Variants in SFI1 observed in about 807,000 individuals in gnomAD.
SFI1 encodes protein SFI1 homolog.
A neutral mutation model predicts 207.5 loss-of-function variants in SFI1; 195 were observed. The ratio of observed to expected loss-of-function variants is 0.94; its 90% CI spans 0.84 to 1.06. SFI1 has a LOEUF of 1.06. Ranked by LOEUF, SFI1 falls within the 50% of genes least tolerant of loss-of-function variation. The probability of loss-of-function intolerance (pLI) is 0.00; values close to 1 mark genes in which losing one functional copy is unlikely to be tolerated. For synonymous variants in SFI1, 630 were observed against 598.9 expected, an observed-to-expected ratio of 1.05 and a Z score of -0.76; for missense variants, 1,634 against 1,588.0, an observed-to-expected ratio of 1.03 and a Z score of -0.49.
intron 2 of SFI1, among the ~76,000 whole-genome samples, chr22:31,514,526 A>AT (rs2056193194): frequency 2.0e-5 from 3 of 150,808 alleles, no homozygotes; most frequent in African/African-American, 7.3e-5. Context: ...AAAAAAAAAA[A>AT]AAAAATCAAC....
intron 6 of SFI1, among the ~76,000 whole-genome samples, chr22:31,555,226 G>A (rs1169098093): frequency 2.0e-5 from 3 of 152,120 alleles, no homozygotes; most frequent in Non-Finnish European, 2.9e-5. Context: ...GGTGGCTCAC[G>A]CCTATAATCC....
In SFI1 at chr22:31,517,870, C is replaced by T. The variant is rs562217663; in HGVS notation, c.92+9494C>T. On this transcript the variant is annotated intron_variant, in intron 2 of 32. Transcript: ENST00000400288. ...CGATAAGCCTGATATCTAAGTAAGA[C>T]TGCTTATCTAGTACTTTTAAGAATG... Among the ~76,000 whole-genome samples the T allele has an allele frequency of 1.1e-4, 16 of 152,254 alleles. No individual in the cohort carries two copies. In the South Asian group the frequency reaches 3.3e-3, roughly 32 times the overall value.
chr22:31,528,232 C>T (rs1253042380), intron 2 of SFI1, among the ~76,000 whole-genome samples: 4 of 151,930 alleles, frequency 2.6e-5, no homozygotes, highest in Admixed American at 2.6e-4. Context: ...CCAGCCTGGG[C>T]AACACAGTGA....
intron 2 of SFI1, among the ~76,000 whole-genome samples, chr22:31,512,931 C>T (rs1227540138): frequency 6.6e-6 from 1 of 152,170 alleles, no homozygotes; most frequent in Non-Finnish European, 1.5e-5. Context: ...TGTGATCCGC[C>T]TGCCTTGGCC....
intron 27 of SFI1, 95 bp downstream of exon 27, chr22:31,613,950 G>A (rs576916622): frequency 1.3e-5 from 19 of 1,432,522 alleles, no homozygotes; most frequent in East Asian, 7.2e-5. Flanking sequence ...GGGATGGGAC[G>A]GGCTGGTCAC....
intron 15 of SFI1, among the ~76,000 whole-genome samples, chr22:31,597,403 C>T (rs1334953758): frequency 6.6e-6 from 1 of 152,048 alleles, no homozygotes; most frequent in Non-Finnish European, 1.5e-5. Flanking sequence ...TTTTTGGATT[C>T]CTGTTTTCCT....
At chr22:31,605,051 C>A in intron 20 of SFI1, 106 bp downstream of exon 20, 1 of 992,278 alleles carries the variant, frequency 1.0e-6, no homozygotes, top group Non-Finnish European at 1.4e-6. Flanking sequence ...GGGATGATCC[C>A]GGGTTCCTAG....
intron 2 of SFI1, among the ~76,000 whole-genome samples, chr22:31,526,342 A>G (rs976459737): frequency 6.6e-6 from 1 of 152,166 alleles, no homozygotes; most frequent in Non-Finnish European, 1.5e-5. Context: ...CCTTTTTCAC[A>G]TGGCGGCAGG....
In SFI1 at chr22:31,614,923, G is replaced by A. The variant is rs552974849; in HGVS notation, c.3068+63G>A. ...ATGGTCAGGGGTCCCCAAAGGCAGC[G>A]GGCACCTCCATGTGGGGCCTGTGTT... is the stretch of plus-strand genomic sequence containing the variant. On this transcript the variant is annotated intron_variant, in intron 28 of 32. Coordinates refer to ENST00000400288, the MANE Select transcript of SFI1 (RefSeq NM_001007467.3). 4.3e-5 allele frequency: 68 copies of A among 1,592,412 alleles called. No individual in the cohort carries two copies. In the East Asian group the frequency reaches 1.2e-3, roughly 27 times the overall value.
intron 2 of SFI1, among the ~76,000 whole-genome samples, chr22:31,523,573 C>T (rs768085210): frequency 2.3e-4 from 35 of 152,114 alleles, no homozygotes; most frequent in Non-Finnish European, 3.8e-4. Flanking sequence ...GTGTGAAGTC[C>T]GTTATCTCTT....
intron 2 of SFI1, among the ~76,000 whole-genome samples, chr22:31,513,501 T>G (rs901814426): frequency 6.6e-6 from 1 of 152,158 alleles, no homozygotes; most frequent in Non-Finnish European, 1.5e-5. Context: ...TTAGGGATAC[T>G]GAAATATATA....
At chr22:31,585,761 T>C (rs531132804) in intron 14 of SFI1, among the ~76,000 whole-genome samples, 2 of 151,962 alleles carry the variant, frequency 1.3e-5, no homozygotes, top group Non-Finnish European at 2.9e-5. Context: ...CAATTGGGAG[T>C]ACCTGTCTGG....
intron 7 of SFI1, among the ~76,000 whole-genome samples, chr22:31,558,799 A>C (rs1237479093): frequency 6.6e-6 from 1 of 151,098 alleles, no homozygotes; most frequent in Non-Finnish European, 1.5e-5. Flanking sequence ...TTATATAATT[A>C]ATTCATTTAC....
At chr22:31,513,100 T>TA (rs2055871557) in intron 2 of SFI1, among the ~76,000 whole-genome samples, 1 of 152,198 alleles carries the variant, frequency 6.6e-6, no homozygotes, top group African/African-American at 2.4e-5. Context: ...TATGATTTTT[T>TA]AATACAATGT....
intron 4 of SFI1, among the ~76,000 whole-genome samples, chr22:31,542,308 G>A (rs1224133166): frequency 1.3e-5 from 2 of 151,724 alleles, no homozygotes; most frequent in African/African-American, 2.4e-5. Flanking sequence ...TATATTTGAT[G>A]TATTCCAACA....
Position 31,550,318 on chromosome 22 carries a change from A to C in SFI1, c.514A>C (p.Arg172=), listed in dbSNP as rs764352800. 6 of 1,614,140 alleles carry C rather than the reference A, an allele frequency of 3.7e-6. No individual in the cohort carries two copies. Among genetic ancestry groups the C allele is most frequent in the Non-Finnish European group, 5.1e-6 (6 of 1,179,988 alleles). ...KTYVRQQQEM[R]NKYIRAEVHD... ...CTATGTGCGTCAGCAGCAGGAGATG[A>C]GGAACAAGTACATTAGAGCCGAGGT... is the stretch of plus-strand genomic sequence containing the variant. The change falls in exon 6 of 33, where the codon AGG becomes CGG. Residue 172 remains arginine, a synonymous_variant. Coordinates refer to ENST00000400288, the MANE Select transcript of SFI1 (RefSeq NM_001007467.3).
chr22:31,543,017 GC>G (rs2059716866), intron 4 of SFI1, among the ~76,000 whole-genome samples: 1 of 148,446 alleles, frequency 6.7e-6, no homozygotes, highest in South Asian at 2.1e-4. Context: ...TGTCTCCCAG[GC>G]TGGAGTGCAG....
At chr22:31,531,394 C>T (rs941804410) in intron 4 of SFI1, among the ~76,000 whole-genome samples, 3 of 152,008 alleles carry the variant, frequency 2.0e-5, no homozygotes, top group Non-Finnish European at 4.4e-5. Context: ...AGTGGTGTGG[C>T]CTTTAGCTAG....
At chr22:31,557,695 C>T (rs1286231549) in intron 7 of SFI1, among the ~76,000 whole-genome samples, 1 of 152,088 alleles carries the variant, frequency 6.6e-6, no homozygotes, top group African/African-American at 2.4e-5. Context: ...CTGTAAGTAC[C>T]ATTATTGTAC....
Sources: gnomAD v4.1 joint callset for allele counts (sites outside exome capture counted in the v4.1 genomes callset) on GRCh38, gnomAD v4.1.1 for gene constraint, MANE v1.5 for transcripts, NCBI Gene and HGNC (gene_info 2026-07-23, HGNC 2026-07-21) for gene names.